The following ASCC1 variants were observed in gnomAD, a reference collection of about 807,000 sequenced individuals.
ASCC1 encodes activating signal cointegrator 1 complex subunit 1.
A neutral mutation model predicts 46.6 loss-of-function variants in ASCC1; 35 were observed. The ratio of observed to expected loss-of-function variants is 0.75; its 90% CI spans 0.57 to 0.99. ASCC1 has a LOEUF of 0.99. Ranked by LOEUF, ASCC1 falls within the 50% of genes least tolerant of loss-of-function variation. The probability of loss-of-function intolerance (pLI) is 0.00; values close to 1 mark genes in which losing one functional copy is unlikely to be tolerated. For missense variants in ASCC1, 376 were observed against 428.7 expected (o/e 0.88, Z 1.09); for synonymous variants, 143 against 146.6 (o/e 0.98, Z 0.18).
At chr10:72,123,647 AC>A (rs1844495779) in intron 9 of ASCC1, among the ~76,000 whole-genome samples, 1 of 150,338 alleles carries the variant, frequency 6.7e-6, no homozygotes, top group Non-Finnish European at 1.5e-5. Flanking sequence ...TCTAAATCTC[AC>A]CCCCCTTCTC....
chr10:72,214,648 A>T (rs1858809305), intron 1 of ASCC1, among the ~76,000 whole-genome samples: 2 of 152,166 alleles, frequency 1.3e-5, no homozygotes, highest in South Asian at 4.2e-4. Context: ...AAGTGCTGGG[A>T]TTACAGGCGT....
chr10:72,156,462 C>T (rs1358449248), intron 6 of ASCC1, among the ~76,000 whole-genome samples: 1 of 152,140 alleles, frequency 6.6e-6, no homozygotes, highest in Non-Finnish European at 1.5e-5. Context: ...GTGGTACTGC[C>T]TTAAAAACAA....
At chr10:72,192,231 G>A (rs1429538112) in intron 5 of ASCC1, among the ~76,000 whole-genome samples, 1 of 151,962 alleles carries the variant, frequency 6.6e-6, no homozygotes, top group Non-Finnish European at 1.5e-5. Flanking sequence ...TGAGGCAGGT[G>A]GATCACGAGG....
At chr10:72,180,191 A>G (rs1056700487) in intron 5 of ASCC1, among the ~76,000 whole-genome samples, 3 of 152,144 alleles carry the variant, frequency 2.0e-5, no homozygotes, top group Admixed American at 6.5e-5. Flanking sequence ...AGGCATAAGA[A>G]CTGCTTGAAC....
At chr10:72,158,808 T>C (rs1849290419) in intron 6 of ASCC1, 1 of 152,220 alleles carries the variant, frequency 6.6e-6, no homozygotes, top group Non-Finnish European at 1.5e-5. Flanking sequence ...CATATTTTAA[T>C]TTGGGACCAC....
chr10:72,207,351 T>C (rs1214243142), intron 3 of ASCC1, among the ~76,000 whole-genome samples: 6 of 152,176 alleles, frequency 3.9e-5, no homozygotes, highest in Non-Finnish European at 7.3e-5. Context: ...GAGGTAAAGA[T>C]TGCAGTGAGC....
At chr10:72,140,513 CATA>C (rs1398112065) in intron 7 of ASCC1, among the ~76,000 whole-genome samples, 2 of 152,118 alleles carry the variant, frequency 1.3e-5, no homozygotes, top group Non-Finnish European at 2.9e-5. Context: ...AGTAGTGTTT[CATA>C]ATATCTATAT....
intron 7 of ASCC1, 122 bp downstream of exon 7, chr10:72,152,747 A>T: frequency 8.5e-7 from 1 of 1,182,052 alleles, no homozygotes; most frequent in Non-Finnish European, 1.2e-6. Context: ...AAAAAGAGAG[A>T]GAAATAATTA....
chr10:72,204,427 C>T (rs1186735621), intron 3 of ASCC1: 2 of 1,550,416 alleles, frequency 1.3e-6, no homozygotes, highest in South Asian at 1.2e-5. Flanking sequence ...CTTGCCTGGA[C>T]TTCCAAGTAT....
intron 9 of ASCC1, among the ~76,000 whole-genome samples, chr10:72,115,180 C>T (rs183282974): frequency 2.0e-5 from 3 of 152,264 alleles, no homozygotes; most frequent in African/African-American, 7.2e-5. Flanking sequence ...ATCTAGTGTT[C>T]TATTGATGCA....
At chr10:72,212,231 T>G in intron 2 of ASCC1, 1 of 186,082 alleles carries the variant, frequency 5.4e-6, no homozygotes, top group Non-Finnish European at 1.2e-5. Flanking sequence ...GAGAATTGCT[T>G]GAACCCGGGA....
intron 9 of ASCC1, among the ~76,000 whole-genome samples, chr10:72,118,513 C>G (rs889147083): frequency 2.6e-5 from 4 of 152,098 alleles, no homozygotes; most frequent in Admixed American, 2.6e-4. Flanking sequence ...GGCATGGTGG[C>G]TCACGCCTGT....
At chr10:72,190,031 C>A in intron 5 of ASCC1, 1 of 758,622 alleles carries the variant, frequency 1.3e-6, no homozygotes, top group South Asian at 1.3e-5. Context: ...CTGGCAGTAC[C>A]GCCAGCTCTC....
At chr10:72,184,524 CA>C (rs1468279755) in intron 5 of ASCC1, among the ~76,000 whole-genome samples, 2 of 151,590 alleles carry the variant, frequency 1.3e-5, no homozygotes, top group Admixed American at 6.6e-5. Flanking sequence ...ATATTAACAT[CA>C]AAAAAGTAGA....
At chr10:72,204,365 C>G in intron 3 of ASCC1, 1 of 1,548,376 alleles carries the variant, frequency 6.5e-7, no homozygotes, top group East Asian at 2.4e-5. Context: ...GGGACATGAG[C>G]TCACAATCCC....
chr10:72,192,584 C>G (rs1854703755), intron 5 of ASCC1, among the ~76,000 whole-genome samples: 1 of 152,216 alleles, frequency 6.6e-6, no homozygotes, highest in African/African-American at 2.4e-5. Context: ...ACCTCCATCT[C>G]CTGGGATCCA....
intron 7 of ASCC1, among the ~76,000 whole-genome samples, chr10:72,136,641 C>T (rs1159456521): frequency 6.6e-6 from 1 of 152,212 alleles, no homozygotes; most frequent in Non-Finnish European, 1.5e-5. Context: ...AGCAGCAACC[C>T]ACTTGGGTCC....
At chr10:72,130,359 A>C (rs976475747) in intron 8 of ASCC1, among the ~76,000 whole-genome samples, 3 of 152,210 alleles carry the variant, frequency 2.0e-5, no homozygotes, top group Non-Finnish European at 4.4e-5. Flanking sequence ...ATATATATAT[A>C]TCAAGAGAGT....
chr10:72,118,415 T>C (rs982155980), intron 9 of ASCC1, among the ~76,000 whole-genome samples: 3 of 150,558 alleles, frequency 2.0e-5, no homozygotes, highest in Non-Finnish European at 4.4e-5. Context: ...GTATATAATA[T>C]GGCTGAATAT....
Sources: gnomAD v4.1 joint callset for allele counts (sites outside exome capture counted in the v4.1 genomes callset) on GRCh38, gnomAD v4.1.1 for gene constraint, MANE v1.5 for transcripts, NCBI Gene and HGNC (gene_info 2026-07-23, HGNC 2026-07-21) for gene names.